The following SCAPER variants were observed in gnomAD, a reference collection of about 807,000 sequenced individuals.
SCAPER encodes S-phase cyclin A associated protein in the ER.
SCAPER carries 98 observed loss-of-function variants against 182.2 expected under a neutral mutation model. The observed-to-expected ratio is 0.54, with a 90% CI of 0.46 to 0.64. SCAPER has a LOEUF of 0.64. Among genes scored for constraint, SCAPER ranks in the 30% least tolerant of loss-of-function variants. The probability of loss-of-function intolerance (pLI) is 0.00; values close to 1 mark genes in which losing one functional copy is unlikely to be tolerated. For missense variants in SCAPER, 1,432 were observed against 1,690.0 expected, an observed-to-expected ratio of 0.85 and a Z score of 2.68; for synonymous variants, 605 against 564.6, an observed-to-expected ratio of 1.07 and a Z score of -1.01.
chr15:76,389,307 C>T (rs1303081447), intron 27 of SCAPER, among the ~76,000 whole-genome samples: 1 of 151,212 alleles, frequency 6.6e-6, no homozygotes, highest in Admixed American at 6.6e-5. Flanking sequence ...TCAACACCAG[C>T]CTGGCCAACA....
intron 21 of SCAPER, among the ~76,000 whole-genome samples, chr15:76,630,979 C>T (rs2053054377): frequency 6.6e-6 from 1 of 152,152 alleles, no homozygotes; most frequent in South Asian, 2.1e-4. Context: ...CTGGGTACTC[C>T]TATACTGGGT....
At chr15:76,474,689 A>G (rs1347052646) in intron 24 of SCAPER, among the ~76,000 whole-genome samples, 1 of 152,204 alleles carries the variant, frequency 6.6e-6, no homozygotes, top group Non-Finnish European at 1.5e-5. Context: ...GGTAGCCCTT[A>G]TTATGGCTAT....
intron 24 of SCAPER, chr15:76,472,268 A>G: frequency 1.7e-6 from 1 of 594,054 alleles, no homozygotes; most frequent in Non-Finnish European, 3.2e-6. Flanking sequence ...AGAAAAAGGA[A>G]AATGCTGACA....
chr15:76,472,488 C>G, intron 24 of SCAPER: 1 of 397,342 alleles, frequency 2.5e-6, no homozygotes, highest in Non-Finnish European at 4.8e-6. Flanking sequence ...GCCTCAGCTT[C>G]ACCAGTAGCT....
chr15:76,429,879 G>A (rs1163716967), intron 26 of SCAPER, among the ~76,000 whole-genome samples: 1 of 152,198 alleles, frequency 6.6e-6, no homozygotes, highest in Non-Finnish European at 1.5e-5. Context: ...GCCAGGGCAT[G>A]TCAGAGGTCT....
Position 76,615,526 on chromosome 15 carries a change from CACACACAA to C in SCAPER, c.2711+6230_2711+6237del, listed in dbSNP as rs2051390916. On this transcript the variant is annotated intron_variant, in intron 22 of 31. Coordinates refer to ENST00000563290, the MANE Select transcript of SCAPER (RefSeq NM_020843.4). ...ACACACACACACACACACACACACA[CACACACAA>C]ATGAGGCCAGGCACGGTGGCTCACA... Among the ~76,000 whole-genome samples the C allele has an allele frequency of 6.1e-5, 9 of 146,752 alleles. No individual in the cohort carries two copies. In the South Asian group the frequency reaches 2.0e-3, roughly 32 times the overall value.
At position 76,701,101 on chromosome 15, in the gene SCAPER, A is replaced by AAC. The variant is rs1196292455; in HGVS notation, c.2508+656_2508+657insGT. ...GACTAATGAATGCCATACCTAAAAA[A>AAC]AAAAAAAAGTTCAATATACACATGC... On this transcript the variant is annotated intron_variant, in intron 20 of 31. Coordinates refer to ENST00000563290, the MANE Select transcript of SCAPER (RefSeq NM_020843.4). 1.3e-4 allele frequency among the ~76,000 whole-genome samples: 20 copies of AAC among 151,886 alleles called. No homozygotes were observed. In the East Asian group the frequency reaches 3.7e-3, roughly 28 times the overall value.
chr15:76,689,332 T>A (rs1231611471), intron 20 of SCAPER, among the ~76,000 whole-genome samples: 1 of 151,786 alleles, frequency 6.6e-6, no homozygotes, highest in African/African-American at 2.4e-5. Context: ...AGAAGAAAAA[T>A]TTTAAAAACC....
At chr15:76,381,333 C>T (rs2042930198) in intron 28 of SCAPER, 45 bp downstream of exon 28, 2 of 1,516,252 alleles carry the variant, frequency 1.3e-6, no homozygotes, top group South Asian at 1.2e-5. Context: ...CACTAAAATA[C>T]TAACTCTTGA....
At chr15:76,507,445 C>T (rs1016057403) in intron 23 of SCAPER, among the ~76,000 whole-genome samples, 9 of 152,240 alleles carry the variant, frequency 5.9e-5, no homozygotes, top group African/African-American at 2.2e-4. Context: ...TAATACAACC[C>T]CTCTATTACA....
intron 21 of SCAPER, among the ~76,000 whole-genome samples, chr15:76,658,318 CA>C (rs2055843527): frequency 6.6e-6 from 1 of 151,776 alleles, no homozygotes; most frequent in South Asian, 2.1e-4. Context: ...ACAATAGCCA[CA>C]AAAAAGAATG....
At chr15:76,510,864 CGTGTGTGT>C (rs58154549) in intron 23 of SCAPER, among the ~76,000 whole-genome samples, 5 of 150,612 alleles carry the variant, frequency 3.3e-5, no homozygotes, top group East Asian at 2.0e-4. Flanking sequence ...CTGGTGCGCG[CGTGTGTGT>C]GTGTGTGTGT....
intron 20 of SCAPER, among the ~76,000 whole-genome samples, chr15:76,697,712 T>C (rs943645029): frequency 1.3e-5 from 2 of 152,202 alleles, no homozygotes; most frequent in African/African-American, 4.8e-5. Context: ...CAATCTCAGC[T>C]CACTGCAACC....
At chr15:76,811,601 A>G (rs891106467) in intron 5 of SCAPER, among the ~76,000 whole-genome samples, 2 of 152,022 alleles carry the variant, frequency 1.3e-5, no homozygotes, top group Non-Finnish European at 2.9e-5. Context: ...GACCAGCCTG[A>G]TCAACATGGA....
At chr15:76,698,777 T>C (rs1181113956) in intron 20 of SCAPER, among the ~76,000 whole-genome samples, 1 of 152,218 alleles carries the variant, frequency 6.6e-6, no homozygotes, top group African/African-American at 2.4e-5. Context: ...AATTTTAGAA[T>C]AGTTTTTTCT....
intron 29 of SCAPER, among the ~76,000 whole-genome samples, chr15:76,370,637 A>G (rs1199804585): frequency 6.6e-6 from 1 of 152,122 alleles, no homozygotes. Context: ...CACAATTACA[A>G]TATTGTGCAA....
chr15:76,567,805 C>T (rs1459720181), intron 23 of SCAPER, among the ~76,000 whole-genome samples: 1 of 151,938 alleles, frequency 6.6e-6, no homozygotes, highest in African/African-American at 2.4e-5. Flanking sequence ...AAATATTCTT[C>T]CCTTCTATTG....
intron 4 of SCAPER, among the ~76,000 whole-genome samples, chr15:76,853,658 A>G (rs1253091499): frequency 6.6e-6 from 1 of 152,218 alleles, no homozygotes; most frequent in Non-Finnish European, 1.5e-5. Context: ...ATATTAAAGG[A>G]ACATACCTCA....
intron 10 of SCAPER, among the ~76,000 whole-genome samples, chr15:76,769,879 A>T (rs926873750): frequency 2.0e-5 from 3 of 152,224 alleles, no homozygotes; most frequent in Admixed American, 6.5e-5. Context: ...ATTATAAATC[A>T]TTCTACGATA....
Sources: allele counts gnomAD v4.1 joint callset (sites outside exome capture counted in the v4.1 genomes callset), GRCh38; gene constraint gnomAD v4.1.1; transcripts MANE v1.5; gene names NCBI Gene and HGNC (gene_info 2026-07-23, HGNC 2026-07-21).